Variants in PDLIM3 observed in about 807,000 individuals in gnomAD.
PDLIM3 encodes the protein PDZ and LIM domain 3.
In PDLIM3, 36 loss-of-function variants were observed where a neutral mutation model predicts 37.3. That is an observed-to-expected ratio of 0.97 (90% CI 0.74 to 1.28). The LOEUF is 1.28. PDLIM3 is among the 50% of genes most tolerant of loss of function. The probability of loss-of-function intolerance (pLI) is 0.00; values close to 1 mark genes in which losing one functional copy is unlikely to be tolerated. For missense variants in PDLIM3, 454 were observed against 485.0 expected, an observed-to-expected ratio of 0.94 and a Z score of 0.60; for synonymous variants, 174 against 182.4, an observed-to-expected ratio of 0.95 and a Z score of 0.37.
intron 7 of PDLIM3, 94 bp from the exon 8 acceptor site, chr4:185,502,577 A>G (rs2095688927): frequency 8.5e-7 from 1 of 1,175,242 alleles, no homozygotes; most frequent in Non-Finnish European, 1.3e-6. Context: ...GATGTTCTCT[A>G]TTTCACAGTC....
chr4:185,514,949 C>A lies in PDLIM3; in HGVS notation c.331-612G>T. On this transcript the variant is annotated intron_variant, in intron 3 of 7. Transcript: ENST00000284767. This position sits in a 1 kb window ranked among gnomAD's most constrained non-coding sequence, Gnocchi z 4.0. Reference sequence around the variant, plus strand: ...AGCGCACAAGAAAGCCATTAGTGAGCGAAACCAACAGCATCACTACTGTTA... The same window carrying A: ...AGCGCACAAGAAAGCCATTAGTGAGAGAAACCAACAGCATCACTACTGTTA... The A allele has an allele frequency of 2.2e-6, 3 of 1,348,038 alleles. No individual in the cohort carries two copies. Among genetic ancestry groups the A allele is most frequent in the Non-Finnish European group, 3.0e-6 (3 of 991,716 alleles). 83.5% of individuals were successfully genotyped at this position (1,348,038 alleles called of 1,614,324 possible). A position where few individuals can be genotyped will look rare whatever the true frequency, so the allele number is the denominator to read the frequency against.
intron 4 of PDLIM3, 35 bp from the exon 5 acceptor site, chr4:185,508,597 A>G (rs768327779): frequency 7.4e-6 from 12 of 1,611,736 alleles, no homozygotes; most frequent in Non-Finnish European, 8.5e-7. Context: ...CAGAGATGGC[A>G]CCGGGAGCCA....
intron 4 of PDLIM3, chr4:185,513,132 C>G (rs6812481): frequency 0.087 from 85,294 of 983,092 alleles, 3,946 homozygotes; most frequent in Middle Eastern, 0.16. Flanking sequence ...TAATGTTGAG[C>G]CAGTCAGACC....
Position 185,500,681 on chromosome 4 carries a change from GTTTTA to G in PDLIM3, c.*1608_*1612del, listed in dbSNP as rs2095686014. ...TTCATTTCTTTGATCTCAAAAGTCT[GTTTTA>G]TTTTTTTAATAGCTTTGTTAGTGAA... On this transcript the variant is annotated 3_prime_UTR_variant, in exon 8 of 8. Coordinates refer to ENST00000284767, the MANE Select transcript of PDLIM3 (RefSeq NM_014476.6). 1 of 152,120 alleles carries G rather than the reference GTTTTA, an allele frequency of 6.6e-6. No homozygotes were observed. 9.4% of individuals were successfully genotyped at this position (152,120 alleles called of 1,614,324 possible).
chr4:185,514,840 A>G lies in PDLIM3; in HGVS notation c.331-503T>C. ...TTTTGTCATCAATGTTTGCAGCTGCAACAAAAGGCTGGGCCCTTCTGTTGT... is the reference window on the plus strand; with the variant it reads ...TTTTGTCATCAATGTTTGCAGCTGCGACAAAAGGCTGGGCCCTTCTGTTGT... On this transcript the variant is annotated intron_variant, in intron 3 of 7. Transcript: ENST00000284767. This position sits in a 1 kb window ranked among gnomAD's most constrained non-coding sequence, Gnocchi z 4.0. 5.2e-6 allele frequency: 8 copies of G among 1,551,748 alleles called. No individual in the cohort carries two copies. Among genetic ancestry groups the G allele is most frequent in the Non-Finnish European group, 7.0e-6 (8 of 1,146,996 alleles).
In PDLIM3 at chr4:185,533,229, C is replaced by G. The variant is rs533327422; in HGVS notation, c.93+2113G>C. 4.6e-5 allele frequency among the ~76,000 whole-genome samples: 7 copies of G among 152,310 alleles called. No homozygotes were observed. The South Asian group carries it at 1.2e-3, about 27-fold the overall frequency. ...AATAACACACTTACAACCTCACACA[C>G]TGCCTTTCAAAATGGTGTTAAAATG... On this transcript the variant is annotated intron_variant, in intron 1 of 7. Transcript: ENST00000284767.
At position 185,521,456 on chromosome 4, in the gene PDLIM3, G is replaced by A. The variant is rs1272667207; in HGVS notation, c.330+1906C>T. Reference sequence around the variant, plus strand: ...CTGTCACCCAAGCTGGAGTGCAGTGGTGCAATCACAGCTCACTGCAGCCTC... The same window carrying A: ...CTGTCACCCAAGCTGGAGTGCAGTGATGCAATCACAGCTCACTGCAGCCTC... On this transcript the variant is annotated intron_variant, in intron 3 of 7. Coordinates refer to ENST00000284767, the MANE Select transcript of PDLIM3 (RefSeq NM_014476.6). 3.5e-4 allele frequency among the ~76,000 whole-genome samples: 21 copies of A among 59,886 alleles called. 5 individuals are homozygous for A. Among genetic ancestry groups the A allele is most frequent in the African/African-American group, 5.3e-4 (18 of 33,686 alleles). 39.3% of individuals were successfully genotyped at this position (59,886 alleles called of 152,430 possible).
At chr4:185,518,073 C>T (rs2095717573) in intron 3 of PDLIM3, among the ~76,000 whole-genome samples, 1 of 152,182 alleles carries the variant, frequency 6.6e-6, no homozygotes, top group African/African-American at 2.4e-5. Context: ...GAAAAAACCA[C>T]CCAAATAATT....
rs1427976736 is a variant in PDLIM3 at position 185,514,923 on chromosome 4, C to T, written c.331-586G>A. 2 of 1,528,672 alleles carry T rather than the reference C, an allele frequency of 1.3e-6. No homozygotes were observed. The highest frequency in any genetic ancestry group is 8.8e-7 in the Non-Finnish European group (1 of 1,132,702). The allele number at this position is 1,528,672 out of a possible 1,614,324, so 94.7% of individuals were successfully genotyped here. ...ATGGCAGACAAAATACACAGCCACACAGCGCACAAGAAAGCCATTAGTGAG... is the reference window on the plus strand; with the variant it reads ...ATGGCAGACAAAATACACAGCCACATAGCGCACAAGAAAGCCATTAGTGAG... On this transcript the variant is annotated intron_variant, in intron 3 of 7. Coordinates refer to ENST00000284767, the MANE Select transcript of PDLIM3 (RefSeq NM_014476.6). This position sits in a 1 kb window ranked among gnomAD's most constrained non-coding sequence, Gnocchi z 4.0.
intron 1 of PDLIM3, among the ~76,000 whole-genome samples, chr4:185,529,867 C>T (rs966211661): frequency 9.9e-5 from 15 of 152,208 alleles, no homozygotes; most frequent in African/African-American, 3.6e-4. Context: ...AAATTCCCAT[C>T]TGGGTCCGCC....
rs1413024927 is a variant in PDLIM3, at chr4:185,505,257, A to G, written c.794-671T>C. Among the ~76,000 whole-genome samples the G allele has an allele frequency of 5.9e-5, 9 of 152,206 alleles. No homozygotes were observed. The East Asian group carries it at 1.7e-3, about 29-fold the overall frequency. ...CTATTTCATTGTATGTGTATACTACATTTTGCTTATCCATTCATCAGTCAA... is the reference window on the plus strand; with the variant it reads ...CTATTTCATTGTATGTGTATACTACGTTTTGCTTATCCATTCATCAGTCAA... On this transcript the variant is annotated intron_variant, in intron 6 of 7. Coordinates refer to ENST00000284767, the MANE Select transcript of PDLIM3 (RefSeq NM_014476.6).
chr4:185,512,745 T>C, intron 4 of PDLIM3: 1 of 984,928 alleles, frequency 1.0e-6, no homozygotes, highest in South Asian at 4.7e-5. Context: ...AAGTGATTAA[T>C]TTTACTATGC....
intron 3 of PDLIM3, chr4:185,516,306 G>T (rs1420604945): frequency 1.3e-5 from 2 of 152,184 alleles, no homozygotes; most frequent in African/African-American, 4.8e-5. Flanking sequence ...TGGCACCAGT[G>T]TTCCAGATTT....
intron 1 of PDLIM3, among the ~76,000 whole-genome samples, chr4:185,525,378 C>CA (rs2095731410): frequency 6.6e-6 from 1 of 152,208 alleles, no homozygotes; most frequent in African/African-American, 2.4e-5. Flanking sequence ...TTACTAACCA[C>CA]ATTTCATATC....
chr4:185,533,539 A>G (rs1440577168), intron 1 of PDLIM3, among the ~76,000 whole-genome samples: 4 of 152,172 alleles, frequency 2.6e-5, no homozygotes, highest in Non-Finnish European at 5.9e-5. Context: ...TTAAAGAGAA[A>G]AGCCATAATC....
At chr4:185,513,901 G>A (rs986125091) in intron 4 of PDLIM3, 3 of 1,179,430 alleles carry the variant, frequency 2.5e-6, no homozygotes, top group East Asian at 5.7e-5. Context: ...CCTCCTAACC[G>A]GGGCTGGTTT....
At chr4:185,532,837 G>A (rs373146516) in intron 1 of PDLIM3, among the ~76,000 whole-genome samples, 2 of 152,162 alleles carry the variant, frequency 1.3e-5, no homozygotes, top group African/African-American at 2.4e-5. Flanking sequence ...ATGTCTAGGC[G>A]TGGAGCTAGG....
rs1554038423 is a variant in PDLIM3 at position 185,513,530 on chromosome 4, T to TA, written c.398+739dup. ...GGCACTTAAATTCTTTTTTTTTTTT[T>TA]AAACAAAAGAATTAAATAAAACATG... On this transcript the variant is annotated intron_variant, in intron 4 of 7. Coordinates refer to ENST00000284767, the MANE Select transcript of PDLIM3 (RefSeq NM_014476.6). 177 of 971,958 alleles carry TA rather than the reference T, an allele frequency of 1.8e-4. No homozygotes were observed. The African/African-American group carries it at 3.0e-3, about 16-fold the overall frequency. The allele number at this position is 971,958 out of a possible 1,614,324, so 60.2% of individuals were successfully genotyped here. A position where few individuals can be genotyped will look rare whatever the true frequency, so the allele number is the denominator to read the frequency against.
At position 185,504,580 on chromosome 4, in the gene PDLIM3, C is replaced by A; in HGVS notation, c.800G>T (p.Arg267Leu). The A allele has an allele frequency of 6.2e-7, 1 of 1,613,528 alleles. No homozygotes were observed. Among genetic ancestry groups the A allele is most frequent in the Non-Finnish European group, 8.5e-7 (1 of 1,179,550 alleles). Residue 267 changes from arginine to leucine, a missense_variant, in exon 7 of 8, where the codon CGT (arginine) becomes CTT (leucine). Arg to Leu is a moderately radical substitution (Grantham distance 102). Coordinates refer to ENST00000284767, the MANE Select transcript of PDLIM3 (RefSeq NM_014476.6). The surrounding 1 kb of genome is among the most constrained non-coding windows in gnomAD (Gnocchi z 4.7). The part of the protein sequence containing the change: ...QGMVDDGSDD[R>L]PAGTRSVRAP... ...TCTCACACTCCGCGTTCCAGCCGGA[C>A]GGTCATCTGAAAAACAAAGCGTTTC...
Sources: gnomAD v4.1 joint callset for allele counts (sites outside exome capture counted in the v4.1 genomes callset) on GRCh38, gnomAD v4.1.1 for gene constraint, Gnocchi (gnomAD v3.1) non-coding constraint, MANE v1.5 for transcripts, NCBI Gene and HGNC (gene_info 2026-07-23, HGNC 2026-07-21) for gene names.